The following ACSL5 variants were observed in gnomAD, a reference collection of about 807,000 sequenced individuals.
The protein encoded by ACSL5 is acyl-CoA synthetase long chain family member 5, also known as long-chain-fatty-acid--CoA ligase 5.
A neutral mutation model predicts 84.9 loss-of-function variants in ACSL5; 50 were observed. The observed-to-expected ratio is 0.59, with a 90% CI of 0.47 to 0.75. ACSL5 has a LOEUF of 0.75. Among genes scored for constraint, ACSL5 ranks in the 30% least tolerant of loss-of-function variants. The pLI is 0.00. For synonymous variants in ACSL5, 280 were observed against 300.7 expected (o/e 0.93, Z 0.71); for missense variants, 775 against 830.4 (o/e 0.93, Z 0.82).
At chr10:112,377,184 A>G (rs1849257476) in intron 1 of ACSL5, among the ~76,000 whole-genome samples, 1 of 152,112 alleles carries the variant, frequency 6.6e-6, no homozygotes, top group African/African-American at 2.4e-5. Flanking sequence ...GAAAGGTAGA[A>G]TTGAATCTAT....
chr10:112,425,962 A>G (rs1158805088), intron 18 of ACSL5, among the ~76,000 whole-genome samples: 1 of 152,174 alleles, frequency 6.6e-6, no homozygotes, highest in African/African-American at 2.4e-5. Context: ...CTGTGCTTAA[A>G]TGTAGCTTTT....
chr10:112,376,124 G>A lies in ACSL5; in HGVS notation c.-30+1855G>A, dbSNP rs185674526. ...GGGCTGAGGTGAAAGGCTTTGACACGGAGCCAGGGTAGCTTTGGCAGCTTC... is the reference window on the plus strand; with the variant it reads ...GGGCTGAGGTGAAAGGCTTTGACACAGAGCCAGGGTAGCTTTGGCAGCTTC... On this transcript the variant is annotated intron_variant, in intron 1 of 20. Coordinates refer to ENST00000354655, the MANE Select transcript of ACSL5 (RefSeq NM_203379.2). 214 of 769,914 alleles carry A rather than the reference G, an allele frequency of 2.8e-4. 2 individuals are homozygous for A. In the East Asian group the frequency reaches 3.4e-3, roughly 12 times the overall value. The allele number at this position is 769,914 out of a possible 1,614,324, so 47.7% of individuals were successfully genotyped here. A position where few individuals can be genotyped will look rare whatever the true frequency, so the allele number is the denominator to read the frequency against.
chr10:112,395,047 G>C lies in ACSL5; in HGVS notation c.101G>C (p.Arg34Thr). 2 of 1,614,000 alleles carry C rather than the reference G, an allele frequency of 1.2e-6. No individual in the cohort carries two copies. The highest frequency in any genetic ancestry group is 1.7e-6 in the Non-Finnish European group (2 of 1,179,996). Reference sequence around the variant, plus strand: ...GCCATCTTCTTGTGGCTGATCACCAGACCTCAACCCGTCTTACCTCTTCTT... The same window carrying C: ...GCCATCTTCTTGTGGCTGATCACCACACCTCAACCCGTCTTACCTCTTCTT... ...GAAIFLWLIT[R>T]PQPVLPLLDL... is the part of the protein sequence containing the mutation. Residue 34 changes from arginine (R) to threonine (T), a missense_variant, in exon 2 of 21, where the codon AGA (arginine) becomes ACA (threonine). Transcript: ENST00000354655.
chr10:112,376,224 C>G, intron 1 of ACSL5: 1 of 1,534,410 alleles, frequency 6.5e-7, no homozygotes, highest in Non-Finnish European at 8.8e-7. Flanking sequence ...AGTCCCCGAG[C>G]ACGTTAGAAA....
chr10:112,393,172 A>G (rs1463657185), intron 1 of ACSL5, among the ~76,000 whole-genome samples: 1 of 152,116 alleles, frequency 6.6e-6, no homozygotes, highest in African/African-American at 2.4e-5. Flanking sequence ...AATTCCAAAA[A>G]TCCCAACTCT....
intron 18 of ACSL5, 33 bp from the exon 19 acceptor site, chr10:112,426,225 C>T: frequency 6.4e-7 from 1 of 1,566,346 alleles, no homozygotes; most frequent in Non-Finnish European, 8.8e-7. Flanking sequence ...TAACTTCTCT[C>T]ATGCCCTTGC....
At chr10:112,415,588 A>G (rs1249459221) in intron 12 of ACSL5, among the ~76,000 whole-genome samples, 3 of 152,254 alleles carry the variant, frequency 2.0e-5, no homozygotes, top group African/African-American at 7.2e-5. Flanking sequence ...TGCAGGAAGC[A>G]TTTGAGCATG....
In ACSL5 at chr10:112,394,877, C is replaced by G. The variant is rs1303947925; in HGVS notation, c.-29-41C>G. The G allele has an allele frequency of 1.9e-6, 3 of 1,601,028 alleles. No individual in the cohort carries two copies. In the Admixed American group the frequency reaches 5.1e-5, roughly 27 times the overall value. On this transcript the variant is annotated intron_variant, in intron 1 of 20. Transcript: ENST00000354655. ...AGAGCTATTGAGTACAAAAATATGG[C>G]CATTTCCTCTAAATTTTCTTTCCCC... is the stretch of plus-strand genomic sequence containing the variant.
chr10:112,392,823 G>T (rs939774954), intron 1 of ACSL5, among the ~76,000 whole-genome samples: 2 of 152,144 alleles, frequency 1.3e-5, no homozygotes, highest in Non-Finnish European at 2.9e-5. Context: ...CCTGAGGTGG[G>T]AGGTTCACTT....
chr10:112,401,839 T>TCTTTCTTTCTTTCTTTCTTC (rs1491438129), intron 3 of ACSL5, among the ~76,000 whole-genome samples: 9 of 92,096 alleles, frequency 9.8e-5, no homozygotes, highest in South Asian at 3.5e-4. Flanking sequence ...TTTCTTTCTT[T>TCTTTCTTTCTTTCTTTCTTC]CTTCCTTCCT....
chr10:112,426,396 G>T, intron 19 of ACSL5, 37 bp downstream of exon 19: 1 of 1,569,490 alleles, frequency 6.4e-7, no homozygotes, highest in South Asian at 1.1e-5. Context: ...GCACACCCAT[G>T]GGCCCATCGT....
chr10:112,401,792 CTTTCTTTCTTTCTT>C (rs1843901686), intron 3 of ACSL5, among the ~76,000 whole-genome samples: 68 of 94,822 alleles, frequency 7.2e-4, no homozygotes, highest in African/African-American at 2.0e-3. Context: ...CTTTCTCTTT[CTTTCTTTCTTTCTT>C]TCTTTCTTTC....
chr10:112,385,194 G>A (rs189388904), intron 1 of ACSL5, among the ~76,000 whole-genome samples: 314 of 152,314 alleles, frequency 2.1e-3, no homozygotes, highest in Non-Finnish European at 3.3e-3. Flanking sequence ...CATGGTGACA[G>A]CCTTAGAAAG....
At chr10:112,417,050 C>T in intron 13 of ACSL5, 28 bp downstream of exon 13, 1 of 1,604,708 alleles carries the variant, frequency 6.2e-7, no homozygotes, top group Non-Finnish European at 8.5e-7. Context: ...TGGACTGAAG[C>T]AGGCAAATAC....
chr10:112,395,025 ATCT>A lies in ACSL5; in HGVS notation c.84_86del (p.Phe28del). The A allele has an allele frequency of 6.2e-7, 1 of 1,613,996 alleles. No homozygotes were observed. Among genetic ancestry groups the A allele is most frequent in the Non-Finnish European group, 8.5e-7 (1 of 1,180,030 alleles). On this transcript the variant is annotated inframe_deletion, in exon 2 of 21. Coordinates refer to ENST00000354655, the MANE Select transcript of ACSL5 (RefSeq NM_203379.2). ...CTGCATCCTGACATTTGGAGCTGCC[ATCT>A]TCTTGTGGCTGATCACCAGACCTCA...
chr10:112,375,389 C>T (rs779291224), intron 1 of ACSL5: 2 of 152,122 alleles, frequency 1.3e-5, no homozygotes, highest in African/African-American at 2.4e-5. Flanking sequence ...TGTGGCACAG[C>T]TCACCCTGGC....
At position 112,422,010 on chromosome 10, in the gene ACSL5, A is replaced by T; in HGVS notation, c.1451A>T (p.Tyr484Phe). The T allele has an allele frequency of 6.2e-7, 1 of 1,614,220 alleles. No homozygotes were observed. ...VKLEDVADMNYFTVNNEGEVC... is the reference protein window; with the variant it reads ...VKLEDVADMNFFTVNNEGEVC... ...CTGGAAGATGTGGCTGACATGAACT[A>T]CTTTACAGTGAATAATGAAGGAGAG... Residue 484 changes from tyrosine (Y) to phenylalanine (F), a missense_variant, in exon 16 of 21, where the codon TAC (tyrosine) becomes TTC (phenylalanine). Transcript: ENST00000354655.
chr10:112,386,105 A>G (rs900812929), intron 1 of ACSL5, among the ~76,000 whole-genome samples: 1 of 151,220 alleles, frequency 6.6e-6, no homozygotes, highest in Non-Finnish European at 1.5e-5. Context: ...TGATAATAGC[A>G]TCTACTGGGC....
rs759258488 is a variant in ACSL5 at position 112,410,395 on chromosome 10, G to C, written c.712-68G>C. ...TGTTCTCACGGGAAAGGGAGGGAGA[G>C]GGCCACATTTATCACAGTCTGTCCA... On this transcript the variant is annotated intron_variant, in intron 7 of 20. Coordinates refer to ENST00000354655, the MANE Select transcript of ACSL5 (RefSeq NM_203379.2). 1.9e-6 allele frequency: 3 copies of C among 1,610,206 alleles called. No individual in the cohort carries two copies. The Admixed American group carries it at 5.0e-5, about 27-fold the overall frequency.
Sources: gnomAD v4.1 joint callset for allele counts (sites outside exome capture counted in the v4.1 genomes callset) on GRCh38, gnomAD v4.1.1 for gene constraint, MANE v1.5 for transcripts, NCBI Gene and HGNC (gene_info 2026-07-23, HGNC 2026-07-21) for gene names.